The following CTTNBP2 variants were observed in gnomAD, a reference collection of about 807,000 sequenced individuals.
The protein encoded by CTTNBP2 is cortactin-binding protein 2.
A neutral mutation model predicts 156.9 loss-of-function variants in CTTNBP2; 108 were observed. That is an observed-to-expected ratio of 0.69 (90% CI 0.59 to 0.81). The LOEUF is 0.81. Among genes scored for constraint, CTTNBP2 ranks in the 30% least tolerant of loss-of-function variants. The pLI is 0.00. For missense variants in CTTNBP2, 1,924 were observed against 2,035.4 expected, an observed-to-expected ratio of 0.95 and a Z score of 1.05; for synonymous variants, 767 against 751.8, an observed-to-expected ratio of 1.02 and a Z score of -0.33.
intron 1 of CTTNBP2, among the ~76,000 whole-genome samples, chr7:117,862,316 G>T (rs561439424): frequency 6.7e-6 from 1 of 150,338 alleles, no homozygotes; most frequent in African/African-American, 2.5e-5. Flanking sequence ...GTGGGGTGGG[G>T]TGGGGGGGCG....
rs758365004 is a variant in CTTNBP2, at chr7:117,792,552, G to C, written c.644C>G (p.Ala215Gly). ...KTNELEEELS[A>G]EKRRSTEMEA... ...CATTTCTGTGCTTCTTCGTTTCTCAGCGGAGAGTTCCTCTTCTAATTCATT... is the reference window on the plus strand; with the variant it reads ...CATTTCTGTGCTTCTTCGTTTCTCACCGGAGAGTTCCTCTTCTAATTCATT... Residue 215 changes from alanine to glycine, a missense_variant, in exon 4 of 23, where the codon GCT (alanine) becomes GGT (glycine). Physicochemically the swap from Ala to Gly is moderately conservative, Grantham distance 60 (BLOSUM62 0). Coordinates refer to ENST00000160373, the MANE Select transcript of CTTNBP2 (RefSeq NM_033427.3). The surrounding 1 kb of genome is among the most constrained non-coding windows in gnomAD (Gnocchi z 4.2). The C allele has an allele frequency of 6.2e-7, 1 of 1,614,134 alleles. No homozygotes were observed.
intron 2 of CTTNBP2, among the ~76,000 whole-genome samples, chr7:117,853,912 A>C (rs1459334246): frequency 6.6e-6 from 1 of 152,220 alleles, no homozygotes; most frequent in Non-Finnish European, 1.5e-5. Flanking sequence ...ATTTTCTAAT[A>C]TATGGAAAAG....
chr7:117,773,779 G>C (rs1219757897), intron 8 of CTTNBP2, among the ~76,000 whole-genome samples: 1 of 151,542 alleles, frequency 6.6e-6, no homozygotes, highest in Non-Finnish European at 1.5e-5. Flanking sequence ...GTGAGAAAAG[G>C]GCAGTGTTCT....
chr7:117,769,466 G>A (rs999961723), intron 8 of CTTNBP2, among the ~76,000 whole-genome samples: 19 of 152,162 alleles, frequency 1.2e-4, no homozygotes, highest in Non-Finnish European at 2.9e-5. Context: ...CCCTGTTCAG[G>A]TTAGAGGGAT....
chr7:117,734,936 A>C lies in CTTNBP2; in HGVS notation c.3853T>G (p.Leu1285Val), dbSNP rs1795598360. 6.2e-7 allele frequency: 1 copy of C among 1,600,062 alleles called. No homozygotes were observed. Among genetic ancestry groups the C allele is most frequent in the African/African-American group, 1.3e-5 (1 of 74,492 alleles). Residue 1285 changes from leucine to valine, a missense_variant, in exon 16 of 23, where the codon TTA becomes GTA. Coordinates refer to ENST00000160373, the MANE Select transcript of CTTNBP2 (RefSeq NM_033427.3). ...EPMQGLLQRF[L>V]RRKVVNKFKG... ...ACCTTATTCACAACTTTCCTTCGTAAGAACCTCTGCAGCAGTCCTTGCATG... is the reference window on the plus strand; with the variant it reads ...ACCTTATTCACAACTTTCCTTCGTACGAACCTCTGCAGCAGTCCTTGCATG...
At chr7:117,730,768 C>A (rs1795355459) in intron 16 of CTTNBP2, among the ~76,000 whole-genome samples, 1 of 150,802 alleles carries the variant, frequency 6.6e-6, no homozygotes, top group Non-Finnish European at 1.5e-5. Context: ...GAAAATAACC[C>A]TAAATTTTCA....
intron 1 of CTTNBP2, among the ~76,000 whole-genome samples, chr7:117,867,002 C>T (rs1473287991): frequency 6.6e-6 from 1 of 152,194 alleles, no homozygotes; most frequent in African/African-American, 2.4e-5. Flanking sequence ...TTCACCATCA[C>T]AATGCAAAGG....
intron 12 of CTTNBP2, among the ~76,000 whole-genome samples, chr7:117,750,211 C>T (rs1030570932): frequency 1.2e-4 from 19 of 152,154 alleles, no homozygotes; most frequent in African/African-American, 3.4e-4. Flanking sequence ...GTCAAACTGC[C>T]GACACTTTCT....
intron 2 of CTTNBP2, among the ~76,000 whole-genome samples, chr7:117,820,429 G>GT (rs1370544899): frequency 1.3e-5 from 2 of 152,072 alleles, no homozygotes; most frequent in Admixed American, 6.6e-5. Context: ...AAAGTTTCAT[G>GT]TTTTTTATCT....
intron 3 of CTTNBP2, among the ~76,000 whole-genome samples, chr7:117,802,717 G>A (rs1278267942): frequency 6.6e-6 from 1 of 152,046 alleles, no homozygotes; most frequent in Admixed American, 6.6e-5. Context: ...TTAAAAAGGT[G>A]GGCAAAGGAC....
At chr7:117,759,209 AG>A (rs1361207165) in intron 10 of CTTNBP2, among the ~76,000 whole-genome samples, 1 of 152,096 alleles carries the variant, frequency 6.6e-6, no homozygotes, top group African/African-American at 2.4e-5. Flanking sequence ...CCTGGGCTCA[AG>A]GGATCTTCCC....
At chr7:117,760,735 G>A (rs1354975030) in intron 9 of CTTNBP2, 25 bp from the exon 10 acceptor site, 12 of 1,524,338 alleles carry the variant, frequency 7.9e-6, no homozygotes, top group Non-Finnish European at 9.8e-6. Context: ...AAAGAATTAG[G>A]AGTTAAAAAA....
At chr7:117,748,816 C>A (rs1796475551) in intron 12 of CTTNBP2, among the ~76,000 whole-genome samples, 1 of 152,168 alleles carries the variant, frequency 6.6e-6, no homozygotes, top group Non-Finnish European at 1.5e-5. Context: ...TCCCCTGGCT[C>A]CAATTCATAT....
At chr7:117,749,583 G>T (rs953461496) in intron 12 of CTTNBP2, among the ~76,000 whole-genome samples, 2 of 152,156 alleles carry the variant, frequency 1.3e-5, no homozygotes, top group African/African-American at 2.4e-5. Flanking sequence ...TCTAGGACCC[G>T]CAGTCTTCAG....
chr7:117,787,927 T>G (rs1450003063), intron 4 of CTTNBP2, among the ~76,000 whole-genome samples: 2 of 152,144 alleles, frequency 1.3e-5, no homozygotes, highest in Non-Finnish European at 2.9e-5. Flanking sequence ...GTTTGAAAAT[T>G]TATCATGCAA....
chr7:117,872,826 AT>A, intron 1 of CTTNBP2, among the ~76,000 whole-genome samples: 2 of 152,052 alleles, frequency 1.3e-5, no homozygotes, highest in Admixed American at 1.3e-4. Context: ...ACAGGACCAG[AT>A]GCACACAATG....
At chr7:117,861,871 C>G (rs939075070) in intron 1 of CTTNBP2, among the ~76,000 whole-genome samples, 1 of 151,886 alleles carries the variant, frequency 6.6e-6, no homozygotes, top group Non-Finnish European at 1.5e-5. Flanking sequence ...TTCATTTAGC[C>G]AACATTAAAA....
chr7:117,828,981 A>G (rs1356831979), intron 2 of CTTNBP2, among the ~76,000 whole-genome samples: 2 of 152,248 alleles, frequency 1.3e-5, no homozygotes, highest in East Asian at 1.9e-4. Flanking sequence ...ACTCTCCAAC[A>G]TGATTTATGA....
chr7:117,789,222 T>C (rs1293529173), intron 4 of CTTNBP2, among the ~76,000 whole-genome samples: 2 of 152,214 alleles, frequency 1.3e-5, no homozygotes, highest in Non-Finnish European at 1.5e-5. Context: ...TTTTAAAGCT[T>C]CTCTGCCGAA....
Sources: gnomAD v4.1 joint callset for allele counts (sites outside exome capture counted in the v4.1 genomes callset) on GRCh38, gnomAD v4.1.1 for gene constraint, Gnocchi (gnomAD v3.1) non-coding constraint, MANE v1.5 for transcripts, NCBI Gene and HGNC (gene_info 2026-07-23, HGNC 2026-07-21) for gene names.